Variants in SNTG1 observed in about 807,000 individuals in gnomAD.
The protein encoded by SNTG1 is syntrophin gamma 1.
In SNTG1, 39 loss-of-function variants were observed where a neutral mutation model predicts 74.7. The ratio of observed to expected loss-of-function variants is 0.52; its 90% CI spans 0.40 to 0.68. The LOEUF is 0.68. Ranked by LOEUF, SNTG1 falls within the 30% of genes least tolerant of loss-of-function variation. The pLI, the probability that SNTG1 is intolerant of heterozygous loss-of-function variation, is 0.00. For synonymous variants in SNTG1, 254 were observed against 217.1 expected (o/e 1.17, Z -1.49); for missense variants, 685 against 609.5 (o/e 1.12, Z -1.30).
intron 2 of SNTG1, among the ~76,000 whole-genome samples, chr8:50,282,092 C>A (rs1273489093): frequency 1.3e-5 from 2 of 152,146 alleles, no homozygotes; most frequent in African/African-American, 4.8e-5. Flanking sequence ...CAAATAACAT[C>A]TCTGACCAGA....
At chr8:50,478,675 T>C (rs1349435815) in intron 8 of SNTG1, among the ~76,000 whole-genome samples, 1 of 152,180 alleles carries the variant, frequency 6.6e-6, no homozygotes, top group Non-Finnish European at 1.5e-5. Context: ...TCTTTGTTTT[T>C]CTTAGGGATT....
At chr8:50,484,173 C>T (rs1319376245) in intron 8 of SNTG1, among the ~76,000 whole-genome samples, 6 of 97,724 alleles carry the variant, frequency 6.1e-5, no homozygotes, top group South Asian at 3.5e-4. Flanking sequence ...TCCTTCCTTC[C>T]TTCCTTCCTT....
intron 2 of SNTG1, among the ~76,000 whole-genome samples, chr8:50,214,276 G>A (rs1168551710): frequency 1.0e-5 from 1 of 99,810 alleles, no homozygotes; most frequent in Non-Finnish European, 1.9e-5. Flanking sequence ...GGGGAGGGGG[G>A]AGGGATAACA....
chr8:50,642,374 A>C lies in SNTG1; in HGVS notation c.850-14535A>C, dbSNP rs1319965719. On this transcript the variant is annotated intron_variant, in intron 13 of 18. Coordinates refer to ENST00000642720, the MANE Select transcript of SNTG1 (RefSeq NM_018967.5). ...AGCAATCCAGTCAAAACGCACATTA[A>C]ATTCTGTCTCTCCTCTGTTCAAACC... Among the ~76,000 whole-genome samples, 6 of 152,068 alleles carry C rather than the reference A, an allele frequency of 3.9e-5. No homozygotes were observed. In the East Asian group the frequency reaches 1.2e-3, roughly 29 times the overall value.
chr8:50,151,854 T>C (rs2082080671), intron 1 of SNTG1, among the ~76,000 whole-genome samples: 1 of 152,202 alleles, frequency 6.6e-6, no homozygotes, highest in Non-Finnish European at 1.5e-5. Flanking sequence ...TTGGAATAAG[T>C]GCGATGCAGT....
intron 2 of SNTG1, among the ~76,000 whole-genome samples, chr8:50,199,216 TC>T (rs1263876225): frequency 6.7e-6 from 1 of 148,940 alleles, no homozygotes. Flanking sequence ...GGACTTAATT[TC>T]CTTTTTTTTT....
intron 8 of SNTG1, among the ~76,000 whole-genome samples, chr8:50,483,669 A>G (rs1367518328): frequency 1.3e-5 from 2 of 152,226 alleles, no homozygotes; most frequent in Admixed American, 1.3e-4. Flanking sequence ...GGAACAGTGT[A>G]AGCAATTCTA....
chr8:50,538,447 T>G (rs531778652), intron 11 of SNTG1, among the ~76,000 whole-genome samples: 1 of 152,274 alleles, frequency 6.6e-6, no homozygotes, highest in South Asian at 2.1e-4. Flanking sequence ...TCTAATTCCC[T>G]TAGTTTTCAT....
chr8:50,120,731 T>C (rs2080970194), intron 1 of SNTG1, among the ~76,000 whole-genome samples: 1 of 142,630 alleles, frequency 7.0e-6, no homozygotes, highest in Non-Finnish European at 1.6e-5. Context: ...ACCCACAATT[T>C]TTAGGTGATC....
Position 50,323,013 on chromosome 8 carries a change from G to A in SNTG1, c.-27-71199G>A, listed in dbSNP as rs576760293. 8.6e-5 allele frequency among the ~76,000 whole-genome samples: 13 copies of A among 151,646 alleles called. No homozygotes were observed. In the South Asian group the frequency reaches 2.7e-3, roughly 32 times the overall value. Reference sequence around the variant, plus strand: ...TGCCTGCACTTCCAGCCACTCGGGGGGCTGAGGCAGGAGAATTGCTTGAAC... The same window carrying A: ...TGCCTGCACTTCCAGCCACTCGGGGAGCTGAGGCAGGAGAATTGCTTGAAC... On this transcript the variant is annotated intron_variant, in intron 2 of 18. Coordinates refer to ENST00000642720, the MANE Select transcript of SNTG1 (RefSeq NM_018967.5).
At chr8:50,440,743 C>T (rs1256056894) in intron 5 of SNTG1, among the ~76,000 whole-genome samples, 1 of 152,102 alleles carries the variant, frequency 6.6e-6, no homozygotes, top group African/African-American at 2.4e-5. Flanking sequence ...TTAATTAAAA[C>T]CTTTATGGTC....
chr8:50,538,269 T>C (rs2094321626), intron 11 of SNTG1, among the ~76,000 whole-genome samples: 1 of 152,092 alleles, frequency 6.6e-6, no homozygotes, highest in African/African-American at 2.4e-5. Flanking sequence ...GTATTATGAG[T>C]TTTGCTTCAA....
At chr8:50,372,993 C>T (rs1158631346) in intron 2 of SNTG1, among the ~76,000 whole-genome samples, 1 of 152,096 alleles carries the variant, frequency 6.6e-6, no homozygotes, top group Non-Finnish European at 1.5e-5. Context: ...TCTGTCCAAG[C>T]AGTATAACTA....
At chr8:50,080,241 G>C (rs1203950872) in intron 1 of SNTG1, among the ~76,000 whole-genome samples, 1 of 151,908 alleles carries the variant, frequency 6.6e-6, no homozygotes, top group Admixed American at 6.6e-5. Flanking sequence ...ACTATTTCTT[G>C]TCTTAAAATC....
intron 1 of SNTG1, among the ~76,000 whole-genome samples, chr8:49,988,426 A>G (rs1192527564): frequency 6.6e-6 from 1 of 152,194 alleles, no homozygotes; most frequent in Non-Finnish European, 1.5e-5. Context: ...TAGGATGACA[A>G]TGTCTCATCA....
chr8:50,405,614 T>C (rs776550616), intron 4 of SNTG1, among the ~76,000 whole-genome samples: 1 of 152,106 alleles, frequency 6.6e-6, no homozygotes, highest in Admixed American at 6.5e-5. Flanking sequence ...TTTACTCTAT[T>C]AGTATTTTTG....
intron 1 of SNTG1, among the ~76,000 whole-genome samples, chr8:50,006,194 C>G (rs992390070): frequency 1.3e-5 from 2 of 152,018 alleles, no homozygotes; most frequent in African/African-American, 4.8e-5. Context: ...ATCTCCTGAC[C>G]TTGTGATCCA....
At chr8:50,692,402 T>A (rs1055321375) in intron 15 of SNTG1, among the ~76,000 whole-genome samples, 1 of 152,174 alleles carries the variant, frequency 6.6e-6, no homozygotes, top group Non-Finnish European at 1.5e-5. Context: ...TGGTCTTTGA[T>A]GATGGTGACA....
chr8:50,380,011 G>A (rs997200279), intron 2 of SNTG1, among the ~76,000 whole-genome samples: 1 of 152,234 alleles, frequency 6.6e-6, no homozygotes, highest in African/African-American at 2.4e-5. Flanking sequence ...GGATGGCAGA[G>A]AAATTGGAGG....
Sources: gnomAD v4.1 joint callset for allele counts (sites outside exome capture counted in the v4.1 genomes callset) on GRCh38, gnomAD v4.1.1 for gene constraint, MANE v1.5 for transcripts, NCBI Gene and HGNC (gene_info 2026-07-23, HGNC 2026-07-21) for gene names.